SCN8A: variants seen among roughly 807,000 people sequenced by gnomAD.
The protein encoded by SCN8A is sodium voltage-gated channel alpha subunit 8.
A neutral mutation model predicts 184.1 loss-of-function variants in SCN8A; 30 were observed. That is an observed-to-expected ratio of 0.16 (90% CI 0.12 to 0.22). The LOEUF is 0.22. Ranked by LOEUF, SCN8A falls within the 10% of genes least tolerant of loss-of-function variation. The probability of loss-of-function intolerance (pLI) is 1.00; values close to 1 mark genes in which losing one functional copy is unlikely to be tolerated. For missense variants in SCN8A, 1,057 were observed against 2,498.9 expected, an observed-to-expected ratio of 0.42 and a Z score of 12.30; for synonymous variants, 852 against 907.0, an observed-to-expected ratio of 0.94 and a Z score of 1.09.
At chr12:51,592,272 C>T (rs1170416167) in intron 1 of SCN8A, among the ~76,000 whole-genome samples, 1 of 151,952 alleles carries the variant, frequency 6.6e-6, no homozygotes, top group Non-Finnish European at 1.5e-5. Flanking sequence ...AGCTCAGCTC[C>T]ATCCCCTCCA....
intron 12 of SCN8A, among the ~76,000 whole-genome samples, chr12:51,738,505 A>C (rs546447): frequency 2.0e-5 from 3 of 152,228 alleles, no homozygotes; most frequent in African/African-American, 7.2e-5. Flanking sequence ...TCCCTGAATA[A>C]TTATTTCACA....
intron 1 of SCN8A, among the ~76,000 whole-genome samples, chr12:51,633,405 T>C (rs1592342261): frequency 6.6e-6 from 1 of 152,362 alleles, no homozygotes; most frequent in East Asian, 1.9e-4. Flanking sequence ...AAAATGTCAG[T>C]TTCTTAGTTT....
chr12:51,721,975 A>G (rs973854683), intron 12 of SCN8A, 67 bp downstream of exon 12: 2 of 1,598,930 alleles, frequency 1.3e-6, no homozygotes, highest in Admixed American at 1.7e-5. Flanking sequence ...GAGGCTAGGC[A>G]TGGCAGTCTC....
intron 26 of SCN8A, 61 bp downstream of exon 26, chr12:51,794,702 A>T: frequency 1.3e-6 from 2 of 1,517,206 alleles, no homozygotes; most frequent in Non-Finnish European, 1.8e-6. Flanking sequence ...TGAGGATGAG[A>T]TTTCCCAGGA....
intron 13 of SCN8A, among the ~76,000 whole-genome samples, chr12:51,750,100 T>G (rs1437593570): frequency 6.6e-6 from 1 of 152,206 alleles, no homozygotes; most frequent in African/African-American, 2.4e-5. Context: ...ATAATTCTTT[T>G]GAATCTTTGC....
At chr12:51,643,668 A>T (rs992843040) in intron 1 of SCN8A, among the ~76,000 whole-genome samples, 3 of 152,230 alleles carry the variant, frequency 2.0e-5, no homozygotes, top group Non-Finnish European at 4.4e-5. Context: ...CTTGAGGCTC[A>T]TTCCTGCTTC....
At position 51,769,192 on chromosome 12, in the gene SCN8A, T is replaced by C; in HGVS notation, c.3229T>C (p.Tyr1077His). ...CGGCATTGGCAGCAGCGTGGAGAAG[T>C]ACATCATTGATGAGGACCACATGTC... ...TSGIGSSVEK[Y>H]IIDEDHMSFI... The change falls in exon 17 of 27, where the codon TAC becomes CAC. Residue 1077 changes from tyrosine to histidine, a missense_variant. Around this residue, in one of 19 missense-constraint regions of SCN8A, gnomAD observed 178 missense variants for 259.6 expected, o/e 0.69. Transcript: ENST00000627620. The C allele has an allele frequency of 6.2e-7, 1 of 1,613,862 alleles. No homozygotes were observed. The highest frequency in any genetic ancestry group is 8.5e-7 in the Non-Finnish European group (1 of 1,179,838).
Position 51,780,335 on chromosome 12 carries a change from C to T in SCN8A, c.3820-314C>T, listed in dbSNP as rs559499421. On this transcript the variant is annotated intron_variant, in intron 20 of 26. Transcript: ENST00000627620. ...AGTGGAACTTCCTCACTCTCTCCCT[C>T]TCCTGTCAGCCTCTCCCCTTTTCCA... is the stretch of plus-strand genomic sequence containing the variant. The T allele has an allele frequency of 9.3e-5, 35 of 378,086 alleles. No homozygotes were observed. In the East Asian group the frequency reaches 1.6e-3, roughly 18 times the overall value. The allele number at this position is 378,086 out of a possible 1,614,324, so 23.4% of individuals were successfully genotyped here.
chr12:51,591,652 A>T (rs1356904738), intron 1 of SCN8A, among the ~76,000 whole-genome samples: 2 of 152,044 alleles, frequency 1.3e-5, no homozygotes, highest in South Asian at 2.1e-4. Context: ...ACAGTGAGGG[A>T]CACGGCCCGT....
At chr12:51,618,458 AACACACACAC>A (rs56163627) in intron 1 of SCN8A, among the ~76,000 whole-genome samples, 5,969 of 138,882 alleles carry the variant, frequency 0.043, 161 homozygotes, top group Admixed American at 0.065. Context: ...ATACCAGAGC[AACACACACAC>A]ACACACACAC....
intron 1 of SCN8A, among the ~76,000 whole-genome samples, chr12:51,643,152 A>C (rs1940492646): frequency 6.6e-6 from 1 of 152,174 alleles, no homozygotes; most frequent in Admixed American, 6.5e-5. Flanking sequence ...TCTTGTTGTC[A>C]TTAGAAGTCT....
chr12:51,787,150 A>G (rs1399849946), intron 22 of SCN8A, among the ~76,000 whole-genome samples: 1 of 151,908 alleles, frequency 6.6e-6, no homozygotes, highest in Non-Finnish European at 1.5e-5. Flanking sequence ...AGTTAAGGGC[A>G]AAAAAAATCA....
intron 20 of SCN8A, 81 bp from the exon 21 acceptor site, chr12:51,780,568 T>TTTTTTTTTTTTTTTTTTTTTTTTTC: frequency 5.3e-6 from 1 of 187,748 alleles, no homozygotes; most frequent in Non-Finnish European, 9.0e-6. Flanking sequence ...TTTCTTTCTT[T>TTTTTTTTTTTTTTTTTTTTTTTTTC]TTTTTTTTTT....
rs1308429772 is a variant in SCN8A at position 51,810,113 on chromosome 12, T to G, written c.*2684T>G. On this transcript the variant is annotated 3_prime_UTR_variant, in exon 27 of 27. Coordinates refer to ENST00000627620, the MANE Select transcript of SCN8A (RefSeq NM_001330260.2). ...GCATAGTGATGAGATTTTTCTGAGA[T>G]CTAACCGTTTCCCTCCGCTAGCTCC... 1.6e-5 allele frequency: 3 copies of G among 182,636 alleles called. No individual in the cohort carries two copies. Among genetic ancestry groups the G allele is most frequent in the African/African-American group, 7.1e-5 (3 of 41,974 alleles). The allele number at this position is 182,636 out of a possible 1,614,324, so 11.3% of individuals were successfully genotyped here. A position where few individuals can be genotyped will look rare whatever the true frequency, so the allele number is the denominator to read the frequency against.
At chr12:51,739,763 A>C (rs1470917544) in intron 12 of SCN8A, among the ~76,000 whole-genome samples, 1 of 152,182 alleles carries the variant, frequency 6.6e-6, no homozygotes, top group African/African-American at 2.4e-5. Flanking sequence ...CACTTGCGCG[A>C]GACCAGCTCG....
intron 26 of SCN8A, among the ~76,000 whole-genome samples, chr12:51,798,004 C>T (rs1938455424): frequency 6.6e-6 from 1 of 152,146 alleles, no homozygotes; most frequent in Admixed American, 6.5e-5. Flanking sequence ...ATTTCCACCC[C>T]TTGATTCCTG....
chr12:51,645,507 A>G (rs1940562573), intron 1 of SCN8A, among the ~76,000 whole-genome samples: 1 of 152,108 alleles, frequency 6.6e-6, no homozygotes. Flanking sequence ...GTTTTGTAGA[A>G]TAGAAAGGGG....
At chr12:51,703,281 C>G (rs1346221315) in intron 9 of SCN8A, among the ~76,000 whole-genome samples, 1 of 151,286 alleles carries the variant, frequency 6.6e-6, no homozygotes, top group Admixed American at 6.6e-5. Flanking sequence ...GTAGGTACTA[C>G]AGGCATGTAC....
chr12:51,780,561 CTTTCTTTTTTTTTTTT>C lies in SCN8A; in HGVS notation c.3820-84_3820-69del, dbSNP rs1937870654. The C allele has an allele frequency of 8.7e-6, 4 of 457,872 alleles. No homozygotes were observed. In the African/African-American group the frequency reaches 3.3e-4, roughly 37 times the overall value. The allele number at this position is 457,872 out of a possible 1,614,324, so 28.4% of individuals were successfully genotyped here. ...TCTAACACTCTGGAACCTCTGTTTT[CTTTCTTTTTTTTTTTT>C]TTTTTTTTTTTTTTTTTTTTTTTTT... On this transcript the variant is annotated intron_variant, in intron 20 of 26. Transcript: ENST00000627620.
Sources: gnomAD v4.1 joint callset for allele counts (sites outside exome capture counted in the v4.1 genomes callset) on GRCh38, gnomAD v4.1.1 for gene constraint, gnomAD v4.1.1 regional missense constraint, MANE v1.5 for transcripts, NCBI Gene and HGNC (gene_info 2026-07-23, HGNC 2026-07-21) for gene names.